The following PCDHGC3 variants were observed in gnomAD, a reference collection of about 807,000 sequenced individuals.
PCDHGC3 encodes the protein protocadherin gamma subfamily C, 3.
PCDHGC3 carries 26 observed loss-of-function variants against 59.2 expected under a neutral mutation model. The ratio of observed to expected loss-of-function variants is 0.44; its 90% CI spans 0.32 to 0.61. The LOEUF (loss-of-function observed/expected upper bound fraction) is 0.61, where lower values mean the gene tolerates loss of function less well. Among genes scored for constraint, PCDHGC3 ranks in the 20% least tolerant of loss-of-function variants. The pLI is 0.05. For synonymous variants in PCDHGC3, 487 were observed against 519.7 expected, an observed-to-expected ratio of 0.94 and a Z score of 0.86; for missense variants, 1,080 against 1,221.8, an observed-to-expected ratio of 0.88 and a Z score of 1.73.
Position 141,489,712 on chromosome 5 carries a change from C to G in PCDHGC3, c.2431-5095C>G. On this transcript the variant is annotated intron_variant, in intron 1 of 3. Transcript: ENST00000308177. The surrounding 1 kb of genome is among the most constrained non-coding windows in gnomAD (Gnocchi z 4.5). ...GGCACGATTCCCACTGGACAGTGCC[C>G]AGGATCCGGATGTGGGCACCAATAC... The G allele has an allele frequency of 6.2e-7, 1 of 1,614,162 alleles. No individual in the cohort carries two copies. Among genetic ancestry groups the G allele is most frequent in the South Asian group, 1.1e-5 (1 of 91,078 alleles).
chr5:141,492,632 C>G (rs1359761285), intron 1 of PCDHGC3, among the ~76,000 whole-genome samples: 1 of 152,256 alleles, frequency 6.6e-6, no homozygotes, highest in Non-Finnish European at 1.5e-5. Flanking sequence ...CAGGACTCTA[C>G]GATCCTTGGG....
Position 141,511,345 on chromosome 5 carries a change from TC to T in PCDHGC3, c.*179del, listed in dbSNP as rs535135679. On this transcript the variant is annotated 3_prime_UTR_variant, in exon 4 of 4. Coordinates refer to ENST00000308177, the MANE Select transcript of PCDHGC3 (RefSeq NM_002588.4). ...AAGTGCCCAGTCAGCACCTACCCCTTCCCCCCCAGGGGGTTGAATATGCAAA... is the reference window on the plus strand; with the variant it reads ...AAGTGCCCAGTCAGCACCTACCCCTTCCCCCCAGGGGGTTGAATATGCAAA... The T allele has an allele frequency of 2.2e-5, 31 of 1,410,342 alleles. No individual in the cohort carries two copies. Among genetic ancestry groups the T allele is most frequent in the South Asian group, 2.9e-5 (2 of 68,200 alleles). 87.4% of individuals were successfully genotyped at this position (1,410,342 alleles called of 1,614,324 possible). A position where few individuals can be genotyped will look rare whatever the true frequency, so the allele number is the denominator to read the frequency against.
chr5:141,505,450 G>T lies in PCDHGC3; in HGVS notation c.2547G>T (p.Met849Ile). Residue 849 changes from methionine (M) to isoleucine (I), a missense_variant, in exon 3 of 4, where the codon ATG becomes ATT. By Grantham distance (10) the Met-to-Ile change is conservative (BLOSUM62 1). Coordinates refer to ENST00000308177, the MANE Select transcript of PCDHGC3 (RefSeq NM_002588.4). ...TWPNNQFDTE[M>I]LQAMILASAS... ...CCAACAACCAGTTTGACACAGAGAT[G>T]CTGCAAGCCATGATCTTGGCGTCCG... 6.2e-7 allele frequency: 1 copy of T among 1,614,194 alleles called. No homozygotes were observed. The highest frequency in any genetic ancestry group is 8.5e-7 in the Non-Finnish European group (1 of 1,180,012).
chr5:141,493,935 C>T lies in PCDHGC3; in HGVS notation c.2431-872C>T, dbSNP rs1317863228. Among the ~76,000 whole-genome samples the T allele has an allele frequency of 6.6e-6, 1 of 152,158 alleles. No homozygotes were observed. Among genetic ancestry groups the T allele is most frequent in the Non-Finnish European group, 1.5e-5 (1 of 68,020 alleles). On this transcript the variant is annotated intron_variant, in intron 1 of 3. Coordinates refer to ENST00000308177, the MANE Select transcript of PCDHGC3 (RefSeq NM_002588.4). This position sits in a 1 kb window ranked among gnomAD's most constrained non-coding sequence, Gnocchi z 4.3. Reference sequence around the variant, plus strand: ...TGGGATAACACACCCCCTGGAAAGACCAGAAGGGACTCAGGAATGAAGTGG... The same window carrying T: ...TGGGATAACACACCCCCTGGAAAGATCAGAAGGGACTCAGGAATGAAGTGG...
Position 141,485,098 on chromosome 5 carries a change from A to G in PCDHGC3, c.2430+6552A>G, listed in dbSNP as rs2099606903. ...CGGGGAAAGGGAGATAGGTGTCTCCAGCTGCTGTGGCTGTTTGGGGCGGGT... is the reference window on the plus strand; with the variant it reads ...CGGGGAAAGGGAGATAGGTGTCTCCGGCTGCTGTGGCTGTTTGGGGCGGGT... On this transcript the variant is annotated intron_variant, in intron 1 of 3. Transcript: ENST00000308177. This position sits in a 1 kb window ranked among gnomAD's most constrained non-coding sequence, Gnocchi z 5.7. 8.8e-7 allele frequency: 1 copy of G among 1,134,792 alleles called. No individual in the cohort carries two copies. Among genetic ancestry groups the G allele is most frequent in the South Asian group, 1.4e-5 (1 of 71,796 alleles). The allele number at this position is 1,134,792 out of a possible 1,614,324, so 70.3% of individuals were successfully genotyped here. A position where few individuals can be genotyped will look rare whatever the true frequency, so the allele number is the denominator to read the frequency against.
chr5:141,497,540 C>CA (rs1491509812), intron 2 of PCDHGC3, among the ~76,000 whole-genome samples: 7 of 134,922 alleles, frequency 5.2e-5, no homozygotes, highest in Admixed American at 1.5e-4. Flanking sequence ...TGCAACAAAC[C>CA]TTTTTTTTTT....
Position 141,490,885 on chromosome 5 carries a change from T to C in PCDHGC3, c.2431-3922T>C, listed in dbSNP as rs1317781676. The stretch of plus-strand genomic sequence containing the variant: ...CTCTCCCCCATTGCATGCCAACACA[T>C]CTCTGCATGTGTTTGTCCTAGACGA... On this transcript the variant is annotated intron_variant, in intron 1 of 3. Coordinates refer to ENST00000308177, the MANE Select transcript of PCDHGC3 (RefSeq NM_002588.4). This position sits in a 1 kb window ranked among gnomAD's most constrained non-coding sequence, Gnocchi z 5.4. The C allele has an allele frequency of 6.2e-7, 1 of 1,613,872 alleles. No individual in the cohort carries two copies. Among genetic ancestry groups the C allele is most frequent in the Non-Finnish European group, 8.5e-7 (1 of 1,179,904 alleles).
rs773474154 is a variant in PCDHGC3, at chr5:141,477,751, G to A, written c.1635G>A (p.Pro545=). The A allele has an allele frequency of 5.0e-6, 8 of 1,613,712 alleles. No individual in the cohort carries two copies. The highest frequency in any genetic ancestry group is 6.8e-6 in the Non-Finnish European group (8 of 1,180,030). ...LTAHISDGGT[P]VLATNISVNI... is the part of the protein sequence containing the mutation. ...CTCATATCAGCGATGGGGGCACCCC[G>A]GTCCTAGCCACCAACATCAGCGTGA... Residue 545 remains proline (P), a synonymous_variant, in exon 1 of 4, where the codon CCG becomes CCA. Transcript: ENST00000308177. The surrounding 1 kb of genome is among the most constrained non-coding windows in gnomAD (Gnocchi z 4.9).
In PCDHGC3 at chr5:141,493,269, C is replaced by T. The variant is rs142898207; in HGVS notation, c.2431-1538C>T. ...ACATGCCTCTCTTATAACAGCTTCA[C>T]AGAGGTCAAGTGACTTGCTCAAGTT... is the stretch of plus-strand genomic sequence containing the variant. On this transcript the variant is annotated intron_variant, in intron 1 of 3. Coordinates refer to ENST00000308177, the MANE Select transcript of PCDHGC3 (RefSeq NM_002588.4). This position sits in a 1 kb window ranked among gnomAD's most constrained non-coding sequence, Gnocchi z 4.3. Among the ~76,000 whole-genome samples the T allele has an allele frequency of 1.3e-5, 2 of 152,322 alleles. No individual in the cohort carries two copies. The highest frequency in any genetic ancestry group is 4.8e-5 in the African/African-American group (2 of 41,570).
At chr5:141,481,894 A>G (rs1278425155) in intron 1 of PCDHGC3, among the ~76,000 whole-genome samples, 1 of 145,812 alleles carries the variant, frequency 6.9e-6, no homozygotes, top group Non-Finnish European at 1.5e-5. Flanking sequence ...AGCCTGGGTG[A>G]AAGAGCGAAA....
chr5:141,510,994 G>A lies in PCDHGC3; in HGVS notation c.2626G>A (p.Gly876Arg). ...CCTGGGAGGGGGTGCCGGCACCATG[G>A]GATTGAGCGCCCGCTACGGACCCCA... ...STLGGGAGTM[G>R]LSARYGPQFT... The change falls in exon 4 of 4, where the codon GGA becomes AGA. Residue 876 changes from glycine to arginine, a missense_variant. Physicochemically the swap from Gly to Arg is moderately radical, Grantham distance 125 (BLOSUM62 -2). Transcript: ENST00000308177. 1 of 1,614,168 alleles carries A rather than the reference G, an allele frequency of 6.2e-7. No homozygotes were observed. Among genetic ancestry groups the A allele is most frequent in the Non-Finnish European group, 8.5e-7 (1 of 1,180,022 alleles).
chr5:141,491,800 C>G lies in PCDHGC3; in HGVS notation c.2431-3007C>G. The G allele has an allele frequency of 6.7e-7, 1 of 1,500,854 alleles. No individual in the cohort carries two copies. The highest frequency in any genetic ancestry group is 8.9e-7 in the Non-Finnish European group (1 of 1,125,316). 93.0% of individuals were successfully genotyped at this position (1,500,854 alleles called of 1,614,324 possible). A position where few individuals can be genotyped will look rare whatever the true frequency, so the allele number is the denominator to read the frequency against. ...GAACTTGCATCCACTCCTCTCCGGC[C>G]GGCTTGGTCGCTGGCTGCGCTCCAC... On this transcript the variant is annotated intron_variant, in intron 1 of 3. Transcript: ENST00000308177. The surrounding 1 kb of genome is among the most constrained non-coding windows in gnomAD (Gnocchi z 6.9).
Position 141,487,779 on chromosome 5 carries a change from T to C in PCDHGC3, c.2431-7028T>C, listed in dbSNP as rs1269811316. On this transcript the variant is annotated intron_variant, in intron 1 of 3. Coordinates refer to ENST00000308177, the MANE Select transcript of PCDHGC3 (RefSeq NM_002588.4). This position sits in a 1 kb window ranked among gnomAD's most constrained non-coding sequence, Gnocchi z 5.0. ...GTAGACGCTGTGCTTTGTAACTGTT[T>C]CGTGAATTAACCAGAGTTGTCACAG... is the stretch of plus-strand genomic sequence containing the variant. 2.6e-6 allele frequency: 4 copies of C among 1,530,492 alleles called. No individual in the cohort carries two copies. The highest frequency in any genetic ancestry group is 2.6e-6 in the Non-Finnish European group (3 of 1,133,212). The allele number at this position is 1,530,492 out of a possible 1,614,324, so 94.8% of individuals were successfully genotyped here. A position where few individuals can be genotyped will look rare whatever the true frequency, so the allele number is the denominator to read the frequency against.
At chr5:141,484,598 T>C (rs2099598059) in intron 1 of PCDHGC3, among the ~76,000 whole-genome samples, 1 of 152,080 alleles carries the variant, frequency 6.6e-6, no homozygotes, top group Non-Finnish European at 1.5e-5. Flanking sequence ...TCATTTAGAA[T>C]ACTGGTTGAT....
intron 1 of PCDHGC3, among the ~76,000 whole-genome samples, chr5:141,494,157 G>A (rs929922206): frequency 5.9e-5 from 9 of 152,312 alleles, no homozygotes; most frequent in African/African-American, 1.7e-4. Context: ...TGTCTGGCAC[G>A]GAGTTCTAGG....
In PCDHGC3 at chr5:141,491,244, T is replaced by G. The variant is rs754328211; in HGVS notation, c.2431-3563T>G. The G allele has an allele frequency of 6.2e-6, 10 of 1,614,092 alleles. No homozygotes were observed. The South Asian group carries it at 1.1e-4, about 18-fold the overall frequency. ...CCACAGTGCTGCTGGTTCTGGAGGA[T>G]GAGGACCCTGAGGAAATGCCCAAAT... On this transcript the variant is annotated intron_variant, in intron 1 of 3. Transcript: ENST00000308177. This position sits in a 1 kb window ranked among gnomAD's most constrained non-coding sequence, Gnocchi z 6.9.
At chr5:141,505,666 G>T (rs904221281) in intron 3 of PCDHGC3, among the ~76,000 whole-genome samples, 185 bp downstream of exon 3, 3 of 152,180 alleles carry the variant, frequency 2.0e-5, no homozygotes, top group Non-Finnish European at 4.4e-5. Context: ...ACAGCAGAGG[G>T]GTTGGGGGTC....
At chr5:141,497,245 G>T (rs779763574) in intron 2 of PCDHGC3, among the ~76,000 whole-genome samples, 2 of 152,138 alleles carry the variant, frequency 1.3e-5, no homozygotes, top group Non-Finnish European at 2.9e-5. Flanking sequence ...TCTAGGAGGA[G>T]GTGACATTGA....
At chr5:141,502,441 GAT>G (rs2099814262) in intron 2 of PCDHGC3, among the ~76,000 whole-genome samples, 1 of 152,000 alleles carries the variant, frequency 6.6e-6, no homozygotes, top group Non-Finnish European at 1.5e-5. Flanking sequence ...GTTAGATTCA[GAT>G]TACACACCTT....
Sources: gnomAD v4.1 joint callset for allele counts (sites outside exome capture counted in the v4.1 genomes callset) on GRCh38, gnomAD v4.1.1 for gene constraint, Gnocchi (gnomAD v3.1) non-coding constraint, MANE v1.5 for transcripts, NCBI Gene and HGNC (gene_info 2026-07-23, HGNC 2026-07-21) for gene names.